Variants in NEK1 observed in about 807,000 individuals in gnomAD.
NEK1 encodes NIMA related kinase 1.
In NEK1, 137 loss-of-function variants were observed where a neutral mutation model predicts 182.1. The ratio of observed to expected loss-of-function variants is 0.75; its 90% CI spans 0.65 to 0.87. The LOEUF (loss-of-function observed/expected upper bound fraction) is 0.87. NEK1 is among the 40% of genes least tolerant of loss of function. NEK1 has a pLI of 0.00. For synonymous variants in NEK1, 513 were observed against 492.2 expected, an observed-to-expected ratio of 1.04 and a Z score of -0.56; for missense variants, 1,391 against 1,494.4, an observed-to-expected ratio of 0.93 and a Z score of 1.14.
At chr4:169,496,026 C>T (rs111729249) in intron 23 of NEK1, among the ~76,000 whole-genome samples, 29,492 of 152,092 alleles carry the variant, frequency 0.19, 4,301 homozygotes, top group African/African-American at 0.41. Context: ...TGATTCTTCC[C>T]ACCCATGAGC....
chr4:169,471,656 G>C (rs1745998491), intron 26 of NEK1, among the ~76,000 whole-genome samples: 1 of 152,170 alleles, frequency 6.6e-6, no homozygotes, highest in African/African-American at 2.4e-5. Context: ...GAGCGCTGTG[G>C]TGAGAGATCT....
intron 31 of NEK1, among the ~76,000 whole-genome samples, chr4:169,412,439 T>A (rs1008018833): frequency 4.6e-5 from 7 of 152,148 alleles, no homozygotes; most frequent in South Asian, 2.1e-4. Flanking sequence ...TCAAAACCCA[T>A]CACTGATGAA....
chr4:169,435,979 C>T (rs1738339151), intron 28 of NEK1, among the ~76,000 whole-genome samples: 1 of 152,222 alleles, frequency 6.6e-6, no homozygotes, highest in Admixed American at 6.5e-5. Context: ...TCATGGCTCA[C>T]TGCAGCCTCA....
At chr4:169,418,646 A>AAAAAGAT (rs1734938988) in intron 31 of NEK1, among the ~76,000 whole-genome samples, 1 of 152,166 alleles carries the variant, frequency 6.6e-6, no homozygotes, top group African/African-American at 2.4e-5. Context: ...TTATTGCAGA[A>AAAAAGAT]AAAAGATAAG....
intron 19 of NEK1, among the ~76,000 whole-genome samples, chr4:169,526,439 C>T (rs1756915063): frequency 6.6e-6 from 1 of 152,036 alleles, no homozygotes; most frequent in Non-Finnish European, 1.5e-5. Context: ...CAGTGAGCTA[C>T]AGATTTGCAA....
intron 23 of NEK1, among the ~76,000 whole-genome samples, chr4:169,488,360 G>A (rs779991173): frequency 3.1e-4 from 47 of 152,092 alleles, no homozygotes; most frequent in Non-Finnish European, 6.5e-4. Context: ...AAAGTTTAAG[G>A]AAGGGGGATC....
chr4:169,465,682 T>G (rs565942894), intron 26 of NEK1, among the ~76,000 whole-genome samples: 1 of 152,180 alleles, frequency 6.6e-6, no homozygotes, highest in South Asian at 2.1e-4. Context: ...TGATTTATAA[T>G]TCACAAGGCA....
intron 5 of NEK1, among the ~76,000 whole-genome samples, chr4:169,595,773 A>C (rs1769340544): frequency 6.6e-6 from 1 of 151,902 alleles, no homozygotes; most frequent in Admixed American, 6.6e-5. Context: ...AATCCAAAAA[A>C]ATTAGCCGGC....
intron 27 of NEK1, among the ~76,000 whole-genome samples, chr4:169,444,086 A>G (rs1008285830): frequency 1.3e-5 from 2 of 152,194 alleles, no homozygotes; most frequent in Non-Finnish European, 2.9e-5. Flanking sequence ...AGTATCTAAC[A>G]CCATGCAAGC....
rs1469106513 is a variant in NEK1, at chr4:169,515,077, T to C, written c.1666-6225A>G. 3.3e-5 allele frequency among the ~76,000 whole-genome samples: 5 copies of C among 152,164 alleles called. No homozygotes were observed. The East Asian group carries it at 9.6e-4, about 29-fold the overall frequency. On this transcript the variant is annotated intron_variant, in intron 19 of 35. Transcript: ENST00000507142. The stretch of plus-strand genomic sequence containing the variant: ...CATCTAAATTTCCTTTCAGATTTCC[T>C]CTTTGACCCATGGTTTATTTAAAAG...
At chr4:169,398,522 C>G (rs938111929) in intron 35 of NEK1, among the ~76,000 whole-genome samples, 1 of 152,074 alleles carries the variant, frequency 6.6e-6, no homozygotes, top group Admixed American at 6.5e-5. Context: ...TACTGTGACT[C>G]ATGTAATTAA....
At chr4:169,493,628 T>C (rs1046266695) in intron 23 of NEK1, among the ~76,000 whole-genome samples, 1 of 152,148 alleles carries the variant, frequency 6.6e-6, no homozygotes, top group Non-Finnish European at 1.5e-5. Context: ...AAACTCACTA[T>C]GGGAATTTCA....
At chr4:169,463,178 A>G (rs1744283883) in intron 27 of NEK1, 65 bp downstream of exon 27, 1 of 910,810 alleles carries the variant, frequency 1.1e-6, no homozygotes, top group East Asian at 3.2e-5. Context: ...AAACATCTTA[A>G]AATACATAAT....
intron 28 of NEK1, among the ~76,000 whole-genome samples, chr4:169,435,243 A>C (rs1738181614): frequency 7.8e-6 from 1 of 128,510 alleles, no homozygotes; most frequent in Non-Finnish European, 1.7e-5. Context: ...ATGTGGTAGA[A>C]AGCAGAAAGC....
chr4:169,514,812 C>T (rs570779254), intron 19 of NEK1, among the ~76,000 whole-genome samples: 19 of 152,144 alleles, frequency 1.2e-4, no homozygotes, highest in African/African-American at 4.3e-4. Flanking sequence ...TGTTTCATTA[C>T]ATTACTCTAT....
intron 4 of NEK1, among the ~76,000 whole-genome samples, chr4:169,599,580 A>C (rs1298296756): frequency 6.6e-6 from 1 of 152,198 alleles, no homozygotes; most frequent in Non-Finnish European, 1.5e-5. Flanking sequence ...GGGTTATCTT[A>C]GTTTTCTGAC....
At chr4:169,419,578 C>T (rs1242382212) in intron 31 of NEK1, among the ~76,000 whole-genome samples, 1 of 151,950 alleles carries the variant, frequency 6.6e-6, no homozygotes, top group Non-Finnish European at 1.5e-5. Context: ...GAAAAAATAC[C>T]CGACAACAAT....
At chr4:169,430,676 C>T (rs1412512782) in intron 29 of NEK1, among the ~76,000 whole-genome samples, 1 of 152,084 alleles carries the variant, frequency 6.6e-6, no homozygotes, top group African/African-American at 2.4e-5. Flanking sequence ...AATGTGAATC[C>T]ATGTCATTAC....
At chr4:169,420,059 T>C (rs1490562824) in intron 31 of NEK1, among the ~76,000 whole-genome samples, 2 of 152,178 alleles carry the variant, frequency 1.3e-5, no homozygotes, top group African/African-American at 2.4e-5. Context: ...ACACTAAATG[T>C]ATTTAAAAAT....
Sources: gnomAD v4.1 joint callset for allele counts (sites outside exome capture counted in the v4.1 genomes callset) on GRCh38, gnomAD v4.1.1 for gene constraint, MANE v1.5 for transcripts, NCBI Gene and HGNC (gene_info 2026-07-23, HGNC 2026-07-21) for gene names.